Variants in ABCA10 observed in about 807,000 individuals in gnomAD.
The protein encoded by ABCA10 is ATP-binding cassette sub-family A member 10.
Under a neutral mutation model 187.5 loss-of-function variants are expected in ABCA10, and 169 were observed. That is an observed-to-expected ratio of 0.90 (90% CI 0.80 to 1.02). ABCA10 has a LOEUF of 1.02. Among genes scored for constraint, ABCA10 ranks in the 50% least tolerant of loss-of-function variants. ABCA10 has a pLI of 0.00. For synonymous variants in ABCA10, 574 were observed against 601.8 expected (o/e 0.95, Z 0.68); for missense variants, 1,727 against 1,812.4 (o/e 0.95, Z 0.86).
At chr17:69,194,299 C>T in intron 12 of ABCA10, 86 bp downstream of exon 12, 1 of 1,143,638 alleles carries the variant, frequency 8.7e-7, no homozygotes, top group South Asian at 1.3e-5. Context: ...GTAACAAGTC[C>T]AATTTAGAGA....
At chr17:69,177,971 A>ATATATATATATATATATGTTAT (rs1480621345) in intron 22 of ABCA10, among the ~76,000 whole-genome samples, 5 of 56,950 alleles carry the variant, frequency 8.8e-5, no homozygotes, top group Admixed American at 2.2e-4. Flanking sequence ...AAAAAAAAAA[A>ATATATATATATATATATGTTAT]AAATATATAT....
Position 69,166,947 on chromosome 17 carries a change from A to C in ABCA10, c.3163-1864T>G, listed in dbSNP as rs932923528. Among the ~76,000 whole-genome samples, 22 of 152,300 alleles carry C rather than the reference A, an allele frequency of 1.4e-4. No individual in the cohort carries two copies. The East Asian group carries it at 4.1e-3, about 28-fold the overall frequency. On this transcript the variant is annotated intron_variant, in intron 25 of 38. Transcript: ENST00000690296. The stretch of plus-strand genomic sequence containing the variant: ...TATTTGTGCAAATGCAGTTGGGTTG[A>C]TGATCAGTACTGCCATTATCTATAA...
At position 69,157,000 on chromosome 17, in the gene ABCA10, T is replaced by C; in HGVS notation, c.3364-77A>G. On this transcript the variant is annotated intron_variant, in intron 27 of 38. Transcript: ENST00000690296. The stretch of plus-strand genomic sequence containing the variant: ...CAATGGTGAATATTTGTCCATTTTT[T>C]TGTCACAGAAGATTTGATCATTTTC... 3.4e-6 allele frequency: 3 copies of C among 883,804 alleles called. No individual in the cohort carries two copies. In the South Asian group the frequency reaches 6.7e-5, roughly 20 times the overall value. The allele number at this position is 883,804 out of a possible 1,614,324, so 54.7% of individuals were successfully genotyped here. A position where few individuals can be genotyped will look rare whatever the true frequency, so the allele number is the denominator to read the frequency against.
chr17:69,241,633 C>T (rs942331539), intron 1 of ABCA10, among the ~76,000 whole-genome samples: 1 of 152,184 alleles, frequency 6.6e-6, no homozygotes, highest in Non-Finnish European at 1.5e-5. Flanking sequence ...ACTTGCAGTA[C>T]CAACTCACCT....
intron 22 of ABCA10, among the ~76,000 whole-genome samples, chr17:69,180,572 C>T (rs956980087): frequency 6.6e-6 from 1 of 151,998 alleles, no homozygotes; most frequent in Non-Finnish European, 1.5e-5. Flanking sequence ...GCATGATTAA[C>T]TCTGGAAGTA....
In ABCA10 at chr17:69,219,758, T is replaced by A. The variant is rs1211997788; in HGVS notation, c.317A>T (p.His106Leu). Residue 106 changes from histidine (H) to leucine (L), a missense_variant, in exon 6 of 39, where the codon CAT becomes CTT. By Grantham distance (99) the His-to-Leu change is moderately conservative. Coordinates refer to ENST00000690296, the MANE Select transcript of ABCA10 (RefSeq NM_001377321.1). The part of the protein sequence containing the change: ...NAAIIEVTTN[H>L]SVMEELTSVI... ...TGATGTCAACTCCTCCATTACAGAA[T>A]GATTTGTTGTGACCTAAATTGGGAC... is the stretch of plus-strand genomic sequence containing the variant. The A allele has an allele frequency of 6.3e-7, 1 of 1,582,910 alleles. No individual in the cohort carries two copies. The highest frequency in any genetic ancestry group is 1.8e-5 in the Admixed American group (1 of 55,686).
chr17:69,237,015 A>G (rs898376792), intron 1 of ABCA10, among the ~76,000 whole-genome samples: 12 of 152,218 alleles, frequency 7.9e-5, no homozygotes, highest in Non-Finnish European at 1.8e-4. Flanking sequence ...GGAAATGGCA[A>G]AAGTTATTAT....
At chr17:69,165,390 G>A (rs2074247878) in intron 25 of ABCA10, among the ~76,000 whole-genome samples, 1 of 152,152 alleles carries the variant, frequency 6.6e-6, no homozygotes, top group Admixed American at 6.5e-5. Context: ...ATCTTAATAT[G>A]TTTTCAGTAC....
chr17:69,222,786 A>C, intron 3 of ABCA10, 89 bp from the exon 4 acceptor site: 2 of 1,215,766 alleles, frequency 1.6e-6, no homozygotes, highest in Non-Finnish European at 2.2e-6. Context: ...GTTTTATATA[A>C]AATTAGTGGT....
intron 1 of ABCA10, chr17:69,244,358 T>C (rs1228779465): frequency 1.3e-5 from 2 of 152,124 alleles, no homozygotes; most frequent in African/African-American, 4.8e-5. Context: ...CTACTCATTA[T>C]TCAATTATCA....
intron 15 of ABCA10, 125 bp from the exon 16 acceptor site, chr17:69,192,778 G>A: frequency 1.2e-6 from 1 of 823,214 alleles, no homozygotes; most frequent in Non-Finnish European, 1.9e-6. Context: ...ATATCATTAA[G>A]CCCCTGGGTG....
intron 25 of ABCA10, among the ~76,000 whole-genome samples, chr17:69,170,436 TCAA>T (rs2074289712): frequency 1.8e-5 from 1 of 56,748 alleles, no homozygotes. Flanking sequence ...GTTTTACTCA[TCAA>T]AAAAAAAAAA....
chr17:69,222,818 G>T, intron 3 of ABCA10, 121 bp from the exon 4 acceptor site: 1 of 878,612 alleles, frequency 1.1e-6, no homozygotes, highest in Non-Finnish European at 1.6e-6. Flanking sequence ...TTTCTGGATA[G>T]CTGCCTCTTA....
chr17:69,208,198 A>G (rs2074605939), intron 9 of ABCA10, among the ~76,000 whole-genome samples: 1 of 151,836 alleles, frequency 6.6e-6, no homozygotes, highest in African/African-American at 2.4e-5. Context: ...TGGGCAGATC[A>G]AGAGGTCAGG....
intron 8 of ABCA10, 143 bp downstream of exon 8, chr17:69,215,672 G>A (rs1178441698): frequency 2.5e-6 from 2 of 785,064 alleles, no homozygotes; most frequent in Admixed American, 4.2e-5. Context: ...AAACTTTTTT[G>A]TTGTTCTTAT....
At chr17:69,221,087 C>T (rs1339985201) in intron 5 of ABCA10, among the ~76,000 whole-genome samples, 1 of 151,980 alleles carries the variant, frequency 6.6e-6, no homozygotes, top group African/African-American at 2.4e-5. Flanking sequence ...CTTTGTGGAA[C>T]TACAGATAGA....
At chr17:69,188,661 T>C (rs976948613) in intron 18 of ABCA10, among the ~76,000 whole-genome samples, 1 of 151,822 alleles carries the variant, frequency 6.6e-6, no homozygotes, top group African/African-American at 2.4e-5. Context: ...ATCAGCATAA[T>C]ACCCACTAGG....
intron 9 of ABCA10, among the ~76,000 whole-genome samples, chr17:69,212,826 A>G (rs574532947): frequency 1.3e-5 from 2 of 152,138 alleles, no homozygotes; most frequent in Admixed American, 6.5e-5. Flanking sequence ...CTTTACCTTA[A>G]GTTTATGTGA....
chr17:69,182,631 A>ACAAAAAAAAAC (rs764869398), intron 21 of ABCA10, 44 bp downstream of exon 21: 1 of 1,530,110 alleles, frequency 6.5e-7, no homozygotes, highest in Non-Finnish European at 8.7e-7. Flanking sequence ...GGCAAAAAAA[A>ACAAAAAAAAAC]CAAAAAAAAA....
Sources: allele counts gnomAD v4.1 joint callset (sites outside exome capture counted in the v4.1 genomes callset), GRCh38; gene constraint gnomAD v4.1.1; transcripts MANE v1.5; gene names NCBI Gene and HGNC (gene_info 2026-07-23, HGNC 2026-07-21).